The following CCR5AS variants were observed in gnomAD, a reference collection of about 807,000 sequenced individuals.
The protein encoded by CCR5AS is CCR5 antisense RNA.
At chr3:46,379,584 G>A (rs1701798252) in intron 2 of CCR5AS, among the ~76,000 whole-genome samples, 1 of 152,122 alleles carries the variant, frequency 6.6e-6, no homozygotes, top group African/African-American at 2.4e-5. Context: ...GGGAAGAGGT[G>A]CAGCCTCCTG....
chr3:46,364,149 A>G (rs1701578969), downstream of CCR5AS, among the ~76,000 whole-genome samples: 1 of 152,270 alleles, frequency 6.6e-6, no homozygotes, highest in Non-Finnish European at 1.5e-5. Context: ...TAGACAAAAC[A>G]GTCTTATGTT....
At chr3:46,369,853 G>A (rs1325451296) in intron 3 of CCR5AS, among the ~76,000 whole-genome samples, 1 of 152,196 alleles carries the variant, frequency 6.6e-6, no homozygotes, top group Non-Finnish European at 1.5e-5. Context: ...CCCTGGGTTA[G>A]TCTGCCTCTG....
rs533359977 is a variant in CCR5AS, at chr3:46,364,589, C to G, written n.1022G>C. Among the ~76,000 whole-genome samples the G allele has an allele frequency of 4.4e-3, 668 of 152,010 alleles. 5 individuals are homozygous for G. Among genetic ancestry groups the G allele is most frequent in the African/African-American group, 0.015 (637 of 41,484 alleles). On this transcript the variant is annotated non_coding_transcript_exon_variant, in exon 4 of 4. Transcript: ENST00000451485. ...TCTGCAGTCCATGGACCAAGACTTT[C>G]AAGTCTTATTAAGAAATATATTTCA...
intron 3 of CCR5AS, among the ~76,000 whole-genome samples, chr3:46,367,309 C>T (rs1395210394): frequency 6.8e-6 from 1 of 146,864 alleles, no homozygotes; most frequent in African/African-American, 2.5e-5. Context: ...TAAAGAACTA[C>T]ACTTATAAAG....
Position 46,366,183 on chromosome 3 carries a change from T to G in CCR5AS, n.566-1138A>C, listed in dbSNP as rs1246700010. ...GGTGCTGTCATCTTCTAGTAAGCCC[T>G]GGGAGAGGTGTCTGAGCCCAGGTGT... On this transcript the variant is annotated intron_variant and non_coding_transcript_variant, in intron 3 of 3. Transcript: ENST00000451485. 3.3e-5 allele frequency among the ~76,000 whole-genome samples: 5 copies of G among 152,340 alleles called. No individual in the cohort carries two copies. In the South Asian group the frequency reaches 8.3e-4, roughly 25 times the overall value.
chr3:46,377,981 TA>T (rs1461338315), intron 2 of CCR5AS, among the ~76,000 whole-genome samples: 1 of 152,234 alleles, frequency 6.6e-6, no homozygotes, highest in African/African-American at 2.4e-5. Flanking sequence ...GTGCTGGGAT[TA>T]CAGGCATGAG....
chr3:46,390,837 G>A (rs1385593813), intron 2 of CCR5AS, among the ~76,000 whole-genome samples: 2 of 152,194 alleles, frequency 1.3e-5, no homozygotes, highest in African/African-American at 2.4e-5. Context: ...AAGCGGTTTA[G>A]AAGCCTCGCC....
At chr3:46,397,607 C>A (rs1047684645) in intron 1 of CCR5AS, among the ~76,000 whole-genome samples, 1 of 152,160 alleles carries the variant, frequency 6.6e-6, no homozygotes, top group African/African-American at 2.4e-5. Context: ...CCCACTAGAC[C>A]CCATCAGGAG....
intron 2 of CCR5AS, among the ~76,000 whole-genome samples, chr3:46,391,655 C>T (rs111961837): frequency 0.13 from 20,464 of 152,108 alleles, 1,540 homozygotes; most frequent in Non-Finnish European, 0.15. Flanking sequence ...ATGCCTTTAG[C>T]TCTAGCCACC....
chr3:46,379,758 G>A (rs1262288100), intron 2 of CCR5AS, among the ~76,000 whole-genome samples: 6 of 152,150 alleles, frequency 3.9e-5, no homozygotes, highest in East Asian at 3.9e-4. Context: ...TTAGCCAGAC[G>A]TGGTGGCGGG....
chr3:46,374,579 G>T (rs1417893205), intron 2 of CCR5AS: 1 of 167,138 alleles, frequency 6.0e-6, no homozygotes, highest in African/African-American at 2.4e-5. Flanking sequence ...ATTTGAGTTG[G>T]ATCATCTATT....
At chr3:46,396,079 A>C (rs1376207688) in intron 1 of CCR5AS, among the ~76,000 whole-genome samples, 1 of 152,256 alleles carries the variant, frequency 6.6e-6, no homozygotes, top group Non-Finnish European at 1.5e-5. Flanking sequence ...ACTGAAGACC[A>C]GGACCAAACC....
At chr3:46,384,469 C>T (rs34158148) in intron 2 of CCR5AS, among the ~76,000 whole-genome samples, 1 of 152,086 alleles carries the variant, frequency 6.6e-6, no homozygotes, top group African/African-American at 2.4e-5. Flanking sequence ...ATGTCTGCAG[C>T]CCAATTTTAC....
chr3:46,372,771 C>A, intron 2 of CCR5AS: 4 of 663,822 alleles, frequency 6.0e-6, no homozygotes, highest in Non-Finnish European at 9.9e-6. Context: ...AGAGTTAATT[C>A]AATGTAGACA....
chr3:46,382,835 C>T (rs990400365), intron 2 of CCR5AS, among the ~76,000 whole-genome samples: 6 of 152,042 alleles, frequency 3.9e-5, no homozygotes, highest in Non-Finnish European at 8.8e-5. Context: ...ATCAGTGTTT[C>T]CTAGATTTGA....
intron 1 of CCR5AS, among the ~76,000 whole-genome samples, chr3:46,397,749 G>T (rs1301025547): frequency 6.6e-6 from 1 of 152,222 alleles, no homozygotes; most frequent in African/African-American, 2.4e-5. Context: ...CCAGAATAAA[G>T]CTGGGTAGAG....
At chr3:46,392,650 A>G (rs1701922969) in intron 2 of CCR5AS, among the ~76,000 whole-genome samples, 1 of 152,212 alleles carries the variant, frequency 6.6e-6, no homozygotes, top group African/African-American at 2.4e-5. Context: ...TGATGATCAG[A>G]CACCAAAGGA....
chr3:46,377,951 C>T lies in CCR5AS; in HGVS notation n.392-6534G>A, dbSNP rs140661605. On this transcript the variant is annotated intron_variant and non_coding_transcript_variant, in intron 2 of 3. Coordinates refer to ENST00000451485, the Ensembl canonical transcript of CCR5AS. ...CGATCTCCTGACCTCGTGATCTGCC[C>T]GCCTCGGCCTCCCACCGAAGTGCTG... 2.9e-3 allele frequency among the ~76,000 whole-genome samples: 436 copies of T among 152,176 alleles called. 1 individual carries two copies. The highest frequency in any genetic ancestry group is 6.8e-3 in the East Asian group (35 of 5,154).
chr3:46,383,071 A>G (rs1382456416), intron 2 of CCR5AS, among the ~76,000 whole-genome samples: 1 of 152,214 alleles, frequency 6.6e-6, no homozygotes, highest in Non-Finnish European at 1.5e-5. Flanking sequence ...GCTCCCCCAA[A>G]CAGTGCACTT....
Sources: gnomAD v4.1 joint callset for allele counts (sites outside exome capture counted in the v4.1 genomes callset) on GRCh38, gnomAD v4.1.1 for gene constraint, MANE v1.5 for transcripts, NCBI Gene and HGNC (gene_info 2026-07-23, HGNC 2026-07-21) for gene names.